The following LINGO2 variants were observed in gnomAD, a reference collection of about 807,000 sequenced individuals.
LINGO2 encodes the protein leucine-rich repeat and immunoglobulin-like domain-containing nogo receptor-interacting protein 2.
A neutral mutation model predicts 30.6 loss-of-function variants in LINGO2; 14 were observed. The observed-to-expected ratio is 0.46, with a 90% CI of 0.30 to 0.72. LINGO2 has a LOEUF of 0.72. Among genes scored for constraint, LINGO2 ranks in the 30% least tolerant of loss-of-function variants. The probability of loss-of-function intolerance (pLI) is 0.07; values close to 1 mark genes in which losing one functional copy is unlikely to be tolerated. For missense variants in LINGO2, 729 were observed against 751.7 expected, an observed-to-expected ratio of 0.97 and a Z score of 0.35; for synonymous variants, 317 against 288.5, an observed-to-expected ratio of 1.10 and a Z score of -1.00.
At chr9:28,152,864 T>G (rs1828038346) in intron 4 of LINGO2, among the ~76,000 whole-genome samples, 1 of 152,088 alleles carries the variant, frequency 6.6e-6, no homozygotes, top group South Asian at 2.1e-4. Context: ...CTGATAAATC[T>G]AAATAATAAA....
chr9:27,949,434 C>G, exon 6 of LINGO2: 1 of 1,614,084 alleles, frequency 6.2e-7, no homozygotes, highest in Non-Finnish European at 8.5e-7. Flanking sequence ...CTTCTTTTCA[C>G]GGATTTTGGG....
intron 1 of LINGO2, among the ~76,000 whole-genome samples, chr9:28,646,868 T>C (rs1489449010): frequency 6.6e-6 from 1 of 152,148 alleles, no homozygotes; most frequent in Non-Finnish European, 1.5e-5. Flanking sequence ...TTCTAATTGA[T>C]ACTTTAGTGT....
chr9:28,778,604 T>A, the LINGO2 span, among the ~76,000 whole-genome samples: 1 of 152,040 alleles, frequency 6.6e-6, no homozygotes, highest in Admixed American at 6.6e-5. Context: ...AAGGCCAGAG[T>A]ATGAGCACAG....
At chr9:28,876,006 A>G in the LINGO2 span, among the ~76,000 whole-genome samples, 1 of 152,126 alleles carries the variant, frequency 6.6e-6, no homozygotes, top group Non-Finnish European at 1.5e-5. Flanking sequence ...AAAAAAATCA[A>G]CTAACAATAA....
the LINGO2 span, among the ~76,000 whole-genome samples, chr9:29,211,265 GCAAA>G: frequency 6.6e-6 from 1 of 152,038 alleles, no homozygotes; most frequent in African/African-American, 2.4e-5. Context: ...ATCACACCAA[GCAAA>G]CACAATAAGC....
rs180820392 is a variant in LINGO2 at position 28,621,758 on chromosome 9, G to T, written c.-365+48442C>A. Among the ~76,000 whole-genome samples the T allele has an allele frequency of 1.3e-5, 2 of 151,966 alleles. 1 individual carries two copies. Among genetic ancestry groups the T allele is most frequent in the Admixed American group, 1.3e-4 (2 of 15,244 alleles). On this transcript the variant is annotated intron_variant, in intron 1 of 5. Coordinates refer to ENST00000379992, the Ensembl canonical transcript of LINGO2. ...AGCAAATATTGCAATAAAGTAACAG[G>T]AATTTTTTTGTTTCCCAGTGCATAT...
At chr9:28,970,359 T>C in the LINGO2 span, among the ~76,000 whole-genome samples, 1 of 152,000 alleles carries the variant, frequency 6.6e-6, no homozygotes, top group Non-Finnish European at 1.5e-5. Flanking sequence ...CCACCAATGG[T>C]CCCCCTGAAA....
chr9:28,666,067 T>A (rs1828789174), intron 1 of LINGO2, among the ~76,000 whole-genome samples: 1 of 152,014 alleles, frequency 6.6e-6, no homozygotes. Flanking sequence ...AATTTTTGTA[T>A]TTTTAGTAGA....
intron 4 of LINGO2, among the ~76,000 whole-genome samples, chr9:28,220,478 G>A (rs554459880): frequency 6.6e-6 from 1 of 152,144 alleles, no homozygotes; most frequent in South Asian, 2.1e-4. Context: ...AGAATAAAAT[G>A]CTGCTATGGA....
At chr9:29,068,758 A>T in the LINGO2 span, among the ~76,000 whole-genome samples, 2 of 151,908 alleles carry the variant, frequency 1.3e-5, no homozygotes, top group African/African-American at 4.8e-5. Flanking sequence ...CACAGTAAAC[A>T]TTACATGGAC....
At chr9:28,998,953 A>G in the LINGO2 span, among the ~76,000 whole-genome samples, 1 of 152,158 alleles carries the variant, frequency 6.6e-6, no homozygotes, top group Admixed American at 6.6e-5. Context: ...TACTTTAATC[A>G]CAGGCCAGTT....
At chr9:29,117,211 G>T in the LINGO2 span, among the ~76,000 whole-genome samples, 1 of 152,144 alleles carries the variant, frequency 6.6e-6, no homozygotes, top group East Asian at 1.9e-4. Flanking sequence ...AAACCTATTA[G>T]AAGTGAAGGA....
intron 2 of LINGO2, among the ~76,000 whole-genome samples, chr9:28,404,926 G>GTGTT (rs1554717019): frequency 5.3e-5 from 8 of 150,926 alleles, no homozygotes; most frequent in Middle Eastern, 3.4e-3. Flanking sequence ...GTGTGTGTGT[G>GTGTT]TAAAATTCCA....
At chr9:28,910,168 A>C in the LINGO2 span, among the ~76,000 whole-genome samples, 2 of 151,952 alleles carry the variant, frequency 1.3e-5, no homozygotes, top group Non-Finnish European at 2.9e-5. Flanking sequence ...GTTATATAGT[A>C]CTCTGAGTAA....
the LINGO2 span, among the ~76,000 whole-genome samples, chr9:29,209,152 AAAT>A: frequency 1.3e-5 from 2 of 152,134 alleles, no homozygotes; most frequent in Admixed American, 1.3e-4. Context: ...AATCATATGA[AAAT>A]AAGCCACTCA....
chr9:28,630,838 G>A (rs912206730), intron 1 of LINGO2, among the ~76,000 whole-genome samples: 1 of 151,366 alleles, frequency 6.6e-6, no homozygotes, highest in Non-Finnish European at 1.5e-5. Context: ...ACTATTTTTA[G>A]TAACCCTCAG....
chr9:28,146,771 T>C (rs1255682725), intron 4 of LINGO2, among the ~76,000 whole-genome samples: 1 of 152,250 alleles, frequency 6.6e-6, no homozygotes, highest in Non-Finnish European at 1.5e-5. Context: ...CGAGCTGTCA[T>C]GCTCACAATG....
At chr9:29,090,098 A>G in the LINGO2 span, among the ~76,000 whole-genome samples, 1 of 152,076 alleles carries the variant, frequency 6.6e-6, no homozygotes, top group South Asian at 2.1e-4. Context: ...TGGTATTGAA[A>G]TATGGGAGGT....
At chr9:28,552,765 C>G (rs931389695) in intron 1 of LINGO2, among the ~76,000 whole-genome samples, 27 of 144,980 alleles carry the variant, frequency 1.9e-4, no homozygotes, top group African/African-American at 6.6e-4. Context: ...TATTTCTATT[C>G]TTATTTTTTC....
Sources: gnomAD v4.1 joint callset for allele counts (sites outside exome capture counted in the v4.1 genomes callset) on GRCh38, gnomAD v4.1.1 for gene constraint, MANE v1.5 for transcripts, NCBI Gene and HGNC (gene_info 2026-07-23, HGNC 2026-07-21) for gene names.